KIF26B: variants seen among roughly 807,000 people sequenced by gnomAD.
KIF26B encodes the protein kinesin family member 26B, also known as kinesin-like protein KIF26B.
Under a neutral mutation model 151.2 loss-of-function variants are expected in KIF26B, and 63 were observed. The ratio of observed to expected loss-of-function variants is 0.42; its 90% CI spans 0.34 to 0.51. The LOEUF is 0.51. Ranked by LOEUF, KIF26B falls within the 20% of genes least tolerant of loss-of-function variation. The pLI, the probability that KIF26B is intolerant of heterozygous loss-of-function variation, is 0.07. For missense variants in KIF26B, 2,813 were observed against 2,913.6 expected, an observed-to-expected ratio of 0.97 and a Z score of 0.79; for synonymous variants, 1,357 against 1,262.1, an observed-to-expected ratio of 1.08 and a Z score of -1.59.
rs1254329592 is a variant in KIF26B at position 245,602,635 on chromosome 1, C to T, written c.1409C>T (p.Ser470Phe). The change falls in exon 6 of 15, where the codon TCT (serine) becomes TTT (phenylalanine). Residue 470 changes from serine to phenylalanine, a missense_variant. Coordinates refer to ENST00000407071, the MANE Select transcript of KIF26B (RefSeq NM_018012.4). This position sits in a 1 kb window ranked among gnomAD's most constrained non-coding sequence, Gnocchi z 4.5. ...GCTCGAGATACTTCAGAATCCAGCTCTTTCTTAAAGGTGGACCCACGGAAG... is the reference window on the plus strand; with the variant it reads ...GCTCGAGATACTTCAGAATCCAGCTTTTTCTTAAAGGTGGACCCACGGAAG... The part of the protein sequence containing the change: ...TLARDTSESS[S>F]FLKVDPRKKQ... The T allele has an allele frequency of 6.8e-6, 11 of 1,613,936 alleles. No individual in the cohort carries two copies. The highest frequency in any genetic ancestry group is 9.3e-6 in the Non-Finnish European group (11 of 1,179,902).
intron 9 of KIF26B, among the ~76,000 whole-genome samples, chr1:245,622,858 C>G (rs1282506535): frequency 6.6e-6 from 1 of 151,902 alleles, no homozygotes; most frequent in East Asian, 1.9e-4. Flanking sequence ...GGTGATGTAC[C>G]CAGAGACACG....
At chr1:245,629,954 A>G (rs549749665) in intron 9 of KIF26B, among the ~76,000 whole-genome samples, 1 of 152,378 alleles carries the variant, frequency 6.6e-6, no homozygotes, top group Admixed American at 6.5e-5. Flanking sequence ...AAAAGAAGAC[A>G]TTTATGTGGC....
intron 9 of KIF26B, chr1:245,614,937 TG>T: frequency 5.2e-5 from 1 of 19,122 alleles, no homozygotes; most frequent in Non-Finnish European, 9.9e-5. Context: ...CGGATAGGGA[TG>T]AGGAGATGCA....
At chr1:245,335,972 CA>C in intron 2 of KIF26B, among the ~76,000 whole-genome samples, 5 of 125,408 alleles carry the variant, frequency 4.0e-5, no homozygotes, top group African/African-American at 1.7e-4. Context: ...GAGTCCCACG[CA>C]GGGAAAGGAG....
chr1:245,597,527 T>C lies in KIF26B; in HGVS notation c.1351-5050T>C, dbSNP rs978470242. ...TCTAGGGAAGATGGGCTTCCCTTTG[T>C]GGGTAACCTGACCTTTCTCTCTAGT... On this transcript the variant is annotated intron_variant, in intron 5 of 14. Transcript: ENST00000407071. This position sits in a 1 kb window ranked among gnomAD's most constrained non-coding sequence, Gnocchi z 4.6. Among the ~76,000 whole-genome samples the C allele has an allele frequency of 5.3e-5, 8 of 152,222 alleles. No homozygotes were observed. Among genetic ancestry groups the C allele is most frequent in the African/African-American group, 1.2e-4 (5 of 41,456 alleles).
At chr1:245,603,957 C>T (rs998933998) in intron 6 of KIF26B, among the ~76,000 whole-genome samples, 1 of 152,160 alleles carries the variant, frequency 6.6e-6, no homozygotes, top group African/African-American at 2.4e-5. Flanking sequence ...CAATGAACTG[C>T]AGACCTCACC....
At chr1:245,262,707 G>A (rs760769092) in intron 2 of KIF26B, among the ~76,000 whole-genome samples, 3 of 152,066 alleles carry the variant, frequency 2.0e-5, no homozygotes, top group South Asian at 2.1e-4. Flanking sequence ...CTCCCACCTC[G>A]GCCTCCCAAA....
chr1:245,609,670 G>T lies in KIF26B; in HGVS notation c.1914+142G>T, dbSNP rs1285166212. 5.7e-6 allele frequency: 5 copies of T among 884,152 alleles called. 1 individual carries two copies. Among genetic ancestry groups the T allele is most frequent in the Middle Eastern group, 3.6e-4 (1 of 2,752 alleles). The allele number at this position is 884,152 out of a possible 1,614,324, so 54.8% of individuals were successfully genotyped here. A position where few individuals can be genotyped will look rare whatever the true frequency, so the allele number is the denominator to read the frequency against. On this transcript the variant is annotated intron_variant, in intron 8 of 14. Transcript: ENST00000407071. ...CTTTAAAGTGGACTGGAACTTTATG[G>T]CCTGCAGCTGTGGGGCCATCGGCTT...
At chr1:245,203,265 T>G (rs550891646) in intron 2 of KIF26B, among the ~76,000 whole-genome samples, 14 of 44,008 alleles carry the variant, frequency 3.2e-4, no homozygotes, top group African/African-American at 9.5e-4. Context: ...AAAAAGAAAA[T>G]GAGTTAAAGT....
chr1:245,575,532 G>A (rs1340959837), intron 5 of KIF26B, among the ~76,000 whole-genome samples: 1 of 152,002 alleles, frequency 6.6e-6, no homozygotes, highest in Non-Finnish European at 1.5e-5. Context: ...GTAGAGGTCA[G>A]ATTTCACTCA....
rs189018364 is a variant in KIF26B at position 245,314,059 on chromosome 1, G to A, written c.466-52775G>A. 7.4e-4 allele frequency among the ~76,000 whole-genome samples: 112 copies of A among 152,210 alleles called. 1 individual carries two copies. The highest frequency in any genetic ancestry group is 3.7e-3 in the South Asian group (18 of 4,822). ...CTCACTCACGTCCCTCTTTGTCCAG[G>A]TCTCAGGAGGCCTGCTCTTGTATGT... is the stretch of plus-strand genomic sequence containing the variant. On this transcript the variant is annotated intron_variant, in intron 2 of 14. Transcript: ENST00000407071.
At chr1:245,302,496 A>T (rs12750787) in intron 2 of KIF26B, among the ~76,000 whole-genome samples, 8,122 of 152,258 alleles carry the variant, frequency 0.053, 260 homozygotes, top group Middle Eastern at 0.085. Context: ...AGTGCTCAAG[A>T]TGGGTGGTTC....
At chr1:245,389,589 C>T (rs568927904) in intron 3 of KIF26B, among the ~76,000 whole-genome samples, 1 of 152,292 alleles carries the variant, frequency 6.6e-6, no homozygotes, top group South Asian at 2.1e-4. Flanking sequence ...TTTTGAGGCT[C>T]ACTGCATATA....
intron 2 of KIF26B, among the ~76,000 whole-genome samples, chr1:245,280,597 G>GGTTTTT (rs1558373175): frequency 9.6e-6 from 1 of 104,504 alleles, no homozygotes; most frequent in African/African-American, 3.8e-5. Flanking sequence ...GGAAGTTTTC[G>GGTTTTT]TTTTTTTTTT....
chr1:245,425,641 A>C (rs1404837945), intron 4 of KIF26B, among the ~76,000 whole-genome samples: 1 of 152,176 alleles, frequency 6.6e-6, no homozygotes. Context: ...TCCTGACCTC[A>C]TGATCCTCCC....
chr1:245,466,636 C>G (rs1033887940), intron 4 of KIF26B, among the ~76,000 whole-genome samples: 1 of 152,208 alleles, frequency 6.6e-6, no homozygotes, highest in Admixed American at 6.5e-5. Context: ...TAAAAACTCT[C>G]TGGTTCCGGC....
At chr1:245,205,891 A>G (rs1418026239) in intron 2 of KIF26B, among the ~76,000 whole-genome samples, 2 of 115,118 alleles carry the variant, frequency 1.7e-5, no homozygotes, top group East Asian at 5.8e-4. Flanking sequence ...AGGTGCCCAC[A>G]TCTGGCTAAT....
chr1:245,572,969 A>G lies in KIF26B; in HGVS notation c.1351-29608A>G, dbSNP rs1480928139. ...TTCTGTAGCGTAAAATTCTTTATAA[A>G]TACACATATCAATGGAGTTCTTGAC... On this transcript the variant is annotated intron_variant, in intron 5 of 14. Coordinates refer to ENST00000407071, the MANE Select transcript of KIF26B (RefSeq NM_018012.4). This position sits in a 1 kb window ranked among gnomAD's most constrained non-coding sequence, Gnocchi z 4.2. 6.6e-6 allele frequency among the ~76,000 whole-genome samples: 1 copy of G among 152,196 alleles called. No individual in the cohort carries two copies. Among genetic ancestry groups the G allele is most frequent in the African/African-American group, 2.4e-5 (1 of 41,448 alleles).
At chr1:245,429,590 T>C (rs191692041) in intron 4 of KIF26B, among the ~76,000 whole-genome samples, 1 of 152,266 alleles carries the variant, frequency 6.6e-6, no homozygotes, top group Non-Finnish European at 1.5e-5. Flanking sequence ...CTCTAAATCT[T>C]CTGAAGAGGT....
Sources: gnomAD v4.1 joint callset for allele counts (sites outside exome capture counted in the v4.1 genomes callset) on GRCh38, gnomAD v4.1.1 for gene constraint, Gnocchi (gnomAD v3.1) non-coding constraint, MANE v1.5 for transcripts, NCBI Gene and HGNC (gene_info 2026-07-23, HGNC 2026-07-21) for gene names.